Variants in ENTREP2 observed in about 807,000 individuals in gnomAD.
The protein encoded by ENTREP2 is endosomal transmembrane epsin interactor 2.
chr15:29,196,356 G>T, the ENTREP2 span: 1 of 1,496,320 alleles, frequency 6.7e-7, no homozygotes, highest in Non-Finnish European at 9.0e-7. Flanking sequence ...GAATCTATAT[G>T]TTAATAAGGC....
the ENTREP2 span, among the ~76,000 whole-genome samples, chr15:29,173,658 C>A: frequency 6.6e-6 from 1 of 152,188 alleles, no homozygotes; most frequent in Non-Finnish European, 1.5e-5. Context: ...TCACCAGCAC[C>A]TCGGAGGGTT....
the ENTREP2 span, among the ~76,000 whole-genome samples, chr15:29,526,068 G>A: frequency 2.0e-5 from 3 of 152,054 alleles, no homozygotes; most frequent in African/African-American, 7.2e-5. Context: ...ATATGCTATG[G>A]CAGGAGAAAG....
the ENTREP2 span, among the ~76,000 whole-genome samples, chr15:29,597,463 GA>G: frequency 6.6e-6 from 1 of 151,940 alleles, no homozygotes; most frequent in South Asian, 2.1e-4. Flanking sequence ...AGCTACTCAG[GA>G]GGCTGAGGCA....
At chr15:29,492,341 A>G in the ENTREP2 span, among the ~76,000 whole-genome samples, 3 of 152,246 alleles carry the variant, frequency 2.0e-5, no homozygotes, top group Admixed American at 2.0e-4. Flanking sequence ...TAGATTGATT[A>G]ATAAGTTCAT....
At chr15:29,307,656 A>G in the ENTREP2 span, among the ~76,000 whole-genome samples, 1 of 152,322 alleles carries the variant, frequency 6.6e-6, no homozygotes, top group Admixed American at 6.5e-5. Context: ...AGGCTAACTA[A>G]GATCACAAGG....
chr15:29,467,155 T>C, the ENTREP2 span, among the ~76,000 whole-genome samples: 1 of 151,096 alleles, frequency 6.6e-6, no homozygotes. Flanking sequence ...GCAGCAGGGG[T>C]GGAGGGAGGG....
the ENTREP2 span, among the ~76,000 whole-genome samples, chr15:29,230,424 G>A: frequency 6.6e-6 from 1 of 152,084 alleles, no homozygotes; most frequent in Non-Finnish European, 1.5e-5. Flanking sequence ...ATGATTTTAG[G>A]CAGAGAGGAA....
the ENTREP2 span, among the ~76,000 whole-genome samples, chr15:29,517,047 G>T: frequency 2.0e-5 from 3 of 151,668 alleles, no homozygotes; most frequent in African/African-American, 7.3e-5. Flanking sequence ...GTTAGAAATG[G>T]CCTTAGTAAA....
At chr15:29,136,401 A>G in the ENTREP2 span, 1 of 1,529,460 alleles carries the variant, frequency 6.5e-7, no homozygotes. Flanking sequence ...ACCGCCTCGT[A>G]CGGAGGGGGG....
chr15:29,495,201 T>C, the ENTREP2 span, among the ~76,000 whole-genome samples: 1 of 152,246 alleles, frequency 6.6e-6, no homozygotes, highest in Non-Finnish European at 1.5e-5. Flanking sequence ...TCACCAACTC[T>C]TGTTATCTGT....
the ENTREP2 span, chr15:29,128,956 T>G: frequency 1.3e-6 from 1 of 780,008 alleles, no homozygotes; most frequent in Non-Finnish European, 2.1e-6. Context: ...ACTTGTCTCC[T>G]GGTGGGAAGC....
At chr15:29,356,341 C>T in the ENTREP2 span, among the ~76,000 whole-genome samples, 7 of 112,560 alleles carry the variant, frequency 6.2e-5, no homozygotes, top group Non-Finnish European at 8.3e-5. Context: ...GAGTCTCGCT[C>T]TGTCGCCCAG....
At chr15:29,371,913 TAGATAGATAGATAGATA>T in the ENTREP2 span, among the ~76,000 whole-genome samples, 1 of 65,576 alleles carries the variant, frequency 1.5e-5, no homozygotes, top group South Asian at 4.5e-4. Context: ...AATAAATAAA[TAGATAGATAGATAGATA>T]GATAGATAGA....
At chr15:29,499,457 C>T in the ENTREP2 span, among the ~76,000 whole-genome samples, 1 of 151,938 alleles carries the variant, frequency 6.6e-6, no homozygotes, top group African/African-American at 2.4e-5. Context: ...GATCATAACT[C>T]ACTGCAGCTT....
At chr15:29,225,088 G>A in the ENTREP2 span, among the ~76,000 whole-genome samples, 11 of 152,292 alleles carry the variant, frequency 7.2e-5, no homozygotes, top group South Asian at 2.1e-4. Flanking sequence ...ACGCTGGCCC[G>A]CAAGCACCAG....
chr15:29,350,338 T>C, the ENTREP2 span, among the ~76,000 whole-genome samples: 4 of 152,202 alleles, frequency 2.6e-5, no homozygotes, highest in Non-Finnish European at 5.9e-5. Flanking sequence ...TTTATATTAT[T>C]TTCCTTTCAT....
chr15:29,443,660 G>C, the ENTREP2 span, among the ~76,000 whole-genome samples: 1 of 152,040 alleles, frequency 6.6e-6, no homozygotes, highest in Non-Finnish European at 1.5e-5. Flanking sequence ...AGAAACACAA[G>C]TTACAGTAGG....
At chr15:29,281,165 C>G in the ENTREP2 span, among the ~76,000 whole-genome samples, 6 of 152,238 alleles carry the variant, frequency 3.9e-5, no homozygotes, top group Admixed American at 3.9e-4. Context: ...TATGAATACA[C>G]CTGTTACGCT....
the ENTREP2 span, among the ~76,000 whole-genome samples, chr15:29,640,585 C>T: frequency 6.6e-6 from 1 of 151,856 alleles, no homozygotes; most frequent in Non-Finnish European, 1.5e-5. Flanking sequence ...ATTGCTTGAG[C>T]CCAGGAGGTC....
Sources: gnomAD v4.1 joint callset for allele counts (sites outside exome capture counted in the v4.1 genomes callset) on GRCh38, gnomAD v4.1.1 for gene constraint, MANE v1.5 for transcripts, NCBI Gene and HGNC (gene_info 2026-07-23, HGNC 2026-07-21) for gene names.